The following ABTB2 variants were observed in gnomAD, a reference collection of about 807,000 sequenced individuals.
The protein encoded by ABTB2 is ankyrin repeat and BTB/POZ domain-containing protein 2.
ABTB2 carries 56 observed loss-of-function variants against 104.1 expected under a neutral mutation model. The ratio of observed to expected loss-of-function variants is 0.54; its 90% confidence interval spans 0.43 to 0.67. The LOEUF (loss-of-function observed/expected upper bound fraction) is 0.67, where lower values mean the gene tolerates loss of function less well. Ranked by LOEUF, ABTB2 falls within the 30% of genes least tolerant of loss-of-function variation. The probability of loss-of-function intolerance (pLI) is 0.00; values close to 1 mark genes in which losing one functional copy is unlikely to be tolerated. For synonymous variants in ABTB2, 606 were observed against 608.2 expected, an observed-to-expected ratio of 1.00 and a Z score of 0.05; for missense variants, 1,279 against 1,407.7, an observed-to-expected ratio of 0.91 and a Z score of 1.46.
chr11:34,233,029 C>A lies in ABTB2; in HGVS notation c.884-28339G>T, dbSNP rs547633958. ...AACATATACTACCCCCTCCATCATG[C>A]TGGGAGCCACTGAAGGGAGACACCC... is the stretch of plus-strand genomic sequence containing the variant. On this transcript the variant is annotated intron_variant, in intron 1 of 16. Coordinates refer to ENST00000435224, the MANE Select transcript of ABTB2 (RefSeq NM_145804.3). 1.2e-4 allele frequency among the ~76,000 whole-genome samples: 18 copies of A among 151,262 alleles called. 1 individual carries two copies. The highest frequency in any genetic ancestry group is 3.6e-4 in the African/African-American group (15 of 41,176).
intron 1 of ABTB2, among the ~76,000 whole-genome samples, chr11:34,271,695 T>C (rs1423001001): frequency 1.3e-5 from 2 of 152,188 alleles, no homozygotes; most frequent in African/African-American, 4.8e-5. Flanking sequence ...ATTGTGCCAC[T>C]GCACTCCAGC....
chr11:34,294,194 G>A lies in ABTB2; in HGVS notation c.883+62507C>T, dbSNP rs111566117. Among the ~76,000 whole-genome samples, 961 of 152,268 alleles carry A rather than the reference G, an allele frequency of 6.3e-3. 10 individuals are homozygous for A. The highest frequency in any genetic ancestry group is 0.022 in the African/African-American group (929 of 41,540). ...AAAAAATTTAAAAAGTTAGCCAGGA[G>A]TGGTGGAGGGCCATAGTCCCACCCA... On this transcript the variant is annotated intron_variant, in intron 1 of 16. Transcript: ENST00000435224.
intron 5 of ABTB2, among the ~76,000 whole-genome samples, chr11:34,170,093 C>T (rs1284418549): frequency 1.3e-5 from 2 of 152,208 alleles, no homozygotes; most frequent in Non-Finnish European, 2.9e-5. Context: ...CAAATAAACA[C>T]ACAGGATATT....
intron 2 of ABTB2, among the ~76,000 whole-genome samples, chr11:34,204,216 T>TC (rs1416758021): frequency 6.6e-6 from 1 of 152,108 alleles, no homozygotes; most frequent in Middle Eastern, 3.2e-3. Flanking sequence ...TGAAACAGCC[T>TC]CCCCAGGATG....
rs534330545 is a variant in ABTB2 at position 34,327,424 on chromosome 11, C to G, written c.883+29277G>C. 4.6e-3 allele frequency among the ~76,000 whole-genome samples: 702 copies of G among 152,290 alleles called. 1 individual carries two copies. The highest frequency in any genetic ancestry group is 8.2e-3 in the Non-Finnish European group (560 of 68,008). The stretch of plus-strand genomic sequence containing the variant: ...GTGTCCCACCCTAGGAATCCACCCC[C>G]CTAGCCACTTGAGGGCCCAGTAGCA... On this transcript the variant is annotated intron_variant, in intron 1 of 16. Coordinates refer to ENST00000435224, the MANE Select transcript of ABTB2 (RefSeq NM_145804.3).
intron 3 of ABTB2, among the ~76,000 whole-genome samples, chr11:34,195,516 A>G (rs529605734): frequency 1.3e-5 from 2 of 152,332 alleles, no homozygotes; most frequent in East Asian, 3.9e-4. Flanking sequence ...ATGATGACAT[A>G]AGGATACTAG....
At chr11:34,305,404 A>G (rs1040415496) in intron 1 of ABTB2, among the ~76,000 whole-genome samples, 3 of 152,226 alleles carry the variant, frequency 2.0e-5, no homozygotes, top group Non-Finnish European at 1.5e-5. Flanking sequence ...TGAAACATTC[A>G]CTATGCATGA....
chr11:34,166,901 G>A (rs1206326231), intron 7 of ABTB2, among the ~76,000 whole-genome samples: 1 of 152,224 alleles, frequency 6.6e-6, no homozygotes, highest in East Asian at 1.9e-4. Context: ...TCACGAGGGA[G>A]GAGAAAAGGG....
At position 34,230,108 on chromosome 11, in the gene ABTB2, G is replaced by T. The variant is rs1853748948; in HGVS notation, c.884-25418C>A. ...GAAGCTCCTGGGAAGCCTGTAGGTGGGAGGTGGCACACGCACTCAGCACTC... is the reference window on the plus strand; with the variant it reads ...GAAGCTCCTGGGAAGCCTGTAGGTGTGAGGTGGCACACGCACTCAGCACTC... On this transcript the variant is annotated intron_variant, in intron 1 of 16. Coordinates refer to ENST00000435224, the MANE Select transcript of ABTB2 (RefSeq NM_145804.3). Among the ~76,000 whole-genome samples the T allele has an allele frequency of 2.0e-5, 3 of 152,206 alleles. No homozygotes were observed. The South Asian group carries it at 6.2e-4, about 32-fold the overall frequency.
intron 1 of ABTB2, among the ~76,000 whole-genome samples, chr11:34,309,469 C>T (rs767722914): frequency 5.9e-5 from 9 of 152,128 alleles, no homozygotes; most frequent in South Asian, 2.1e-4. Flanking sequence ...CGGGCATTAC[C>T]GTGCTCAACA....
intron 1 of ABTB2, among the ~76,000 whole-genome samples, chr11:34,290,241 C>A (rs969729561): frequency 6.6e-6 from 1 of 152,198 alleles, no homozygotes; most frequent in Non-Finnish European, 1.5e-5. Context: ...TAGCTATCTT[C>A]CCTTGCACGA....
intron 3 of ABTB2, among the ~76,000 whole-genome samples, chr11:34,183,425 G>C (rs555258302): frequency 6.6e-6 from 1 of 152,334 alleles, no homozygotes; most frequent in South Asian, 2.1e-4. Flanking sequence ...GGGAAAAAGA[G>C]AGCTACCGCC....
chr11:34,346,946 A>T (rs1216859508), intron 1 of ABTB2, among the ~76,000 whole-genome samples: 3 of 152,234 alleles, frequency 2.0e-5, no homozygotes, highest in Non-Finnish European at 4.4e-5. Flanking sequence ...AGACTAAAAA[A>T]AGTTGTAAAG....
chr11:34,175,987 C>CA (rs916984963), intron 3 of ABTB2, among the ~76,000 whole-genome samples: 9 of 151,726 alleles, frequency 5.9e-5, no homozygotes, highest in Non-Finnish European at 1.2e-4. Context: ...CCCACCCCCC[C>CA]AAAAAAAAGG....
Position 34,197,655 on chromosome 11 carries a change from A to G in ABTB2, c.1031-117T>C, listed in dbSNP as rs146053104. The G allele has an allele frequency of 9.5e-3, 6,987 of 735,466 alleles. 61 individuals carry two copies. Among genetic ancestry groups the G allele is most frequent in the Middle Eastern group, 0.043 (108 of 2,504 alleles). 45.6% of individuals were successfully genotyped at this position (735,466 alleles called of 1,614,324 possible). A position where few individuals can be genotyped will look rare whatever the true frequency, so the allele number is the denominator to read the frequency against. On this transcript the variant is annotated intron_variant, in intron 2 of 16. Transcript: ENST00000435224. ...GGCTGAAGCTCCCTTGCCTTAGTGC[A>G]TAATTACTGTTTGCCCTGCAGCCAA... is the stretch of plus-strand genomic sequence containing the variant.
chr11:34,349,641 C>T (rs1590266744), intron 1 of ABTB2, among the ~76,000 whole-genome samples: 1 of 152,314 alleles, frequency 6.6e-6, no homozygotes, highest in East Asian at 1.9e-4. Context: ...CACAACCATC[C>T]TATGAGTTGG....
intron 3 of ABTB2, among the ~76,000 whole-genome samples, chr11:34,179,654 T>G (rs1217857948): frequency 3.9e-5 from 6 of 152,226 alleles, no homozygotes; most frequent in Non-Finnish European, 1.5e-5. Flanking sequence ...CAGATCGTCA[T>G]CCTCTGTGGG....
chr11:34,177,828 A>G (rs1852975456), intron 3 of ABTB2, among the ~76,000 whole-genome samples: 1 of 152,048 alleles, frequency 6.6e-6, no homozygotes, highest in African/African-American at 2.4e-5. Context: ...TCGGCCCCCA[A>G]AATGCTGGGA....
At chr11:34,277,799 CTTTTTTTTTTT>C (rs1163442976) in intron 1 of ABTB2, among the ~76,000 whole-genome samples, 1 of 120,724 alleles carries the variant, frequency 8.3e-6, no homozygotes, top group Middle Eastern at 4.7e-3. Context: ...AACAGATTCT[CTTTTTTTTTTT>C]TTTTTTTTTT....
Sources: gnomAD v4.1 joint callset for allele counts (sites outside exome capture counted in the v4.1 genomes callset) on GRCh38, gnomAD v4.1.1 for gene constraint, MANE v1.5 for transcripts, NCBI Gene and HGNC (gene_info 2026-07-23, HGNC 2026-07-21) for gene names.